The following KDM2B variants were observed in gnomAD, a reference collection of about 807,000 sequenced individuals.
KDM2B encodes the protein lysine-specific demethylase 2B.
A neutral mutation model predicts 150.0 loss-of-function variants in KDM2B; 26 were observed. The observed-to-expected ratio is 0.17, with a 90% CI of 0.13 to 0.24. The LOEUF (loss-of-function observed/expected upper bound fraction) is 0.24, where lower values mean the gene tolerates loss of function less well. KDM2B is among the 10% of genes least tolerant of loss of function. The pLI, the probability that KDM2B is intolerant of heterozygous loss-of-function variation, is 1.00. For synonymous variants in KDM2B, 734 were observed against 729.5 expected (o/e 1.01, Z -0.10); for missense variants, 1,265 against 1,816.9 (o/e 0.70, Z 5.52).
chr12:121,478,322 C>A (rs1284998097), intron 12 of KDM2B, among the ~76,000 whole-genome samples: 1 of 151,464 alleles, frequency 6.6e-6, no homozygotes, highest in Non-Finnish European at 1.5e-5. Flanking sequence ...GTTTTTTGAT[C>A]CTCGCCCTCT....
rs1272724498 is a variant in KDM2B, at chr12:121,453,611, G to A, written c.1735-267C>T. ...TTTGGACACAGAGACAGACACGCAC[G>A]TAGAGAACGTGTGTGAAGACACAGG... On this transcript the variant is annotated intron_variant, in intron 12 of 22. Transcript: ENST00000377071. The surrounding 1 kb of genome is among the most constrained non-coding windows in gnomAD (Gnocchi z 6.4). Among the ~76,000 whole-genome samples, 1 of 152,166 alleles carries A rather than the reference G, an allele frequency of 6.6e-6. No homozygotes were observed. The highest frequency in any genetic ancestry group is 6.5e-5 in the Admixed American group (1 of 15,274).
At chr12:121,450,327 AAAG>A (rs1453915487) in intron 13 of KDM2B, among the ~76,000 whole-genome samples, 20 of 151,850 alleles carry the variant, frequency 1.3e-4, no homozygotes, top group Non-Finnish European at 2.8e-4. Flanking sequence ...AAAAAAAAAG[AAAG>A]AAAAAAAAGA....
intron 12 of KDM2B, among the ~76,000 whole-genome samples, chr12:121,484,926 C>A (rs1465774337): frequency 3.9e-5 from 6 of 152,118 alleles, no homozygotes. Flanking sequence ...CCCCAAAATT[C>A]ATATGTTGAA....
chr12:121,539,725 G>A (rs927080313), intron 6 of KDM2B, among the ~76,000 whole-genome samples: 2 of 151,900 alleles, frequency 1.3e-5, no homozygotes, highest in African/African-American at 4.8e-5. Flanking sequence ...AGCCCCTAAT[G>A]TGTTTGTTTG....
intron 22 of KDM2B, among the ~76,000 whole-genome samples, chr12:121,435,645 C>T (rs1310629225): frequency 6.6e-6 from 1 of 152,094 alleles, no homozygotes; most frequent in Admixed American, 6.6e-5. Context: ...GGGGTGCCCA[C>T]TCAAAAGTGG....
chr12:121,443,747 G>C lies in KDM2B; in HGVS notation c.2498C>G (p.Pro833Arg). ...GAGGCTGCTGCCTAGAGGGGGCCTCGGCGAGAGGTGAGAGGAGGAACCGGG... is the reference window on the plus strand; with the variant it reads ...GAGGCTGCTGCCTAGAGGGGGCCTCCGCGAGAGGTGAGAGGAGGAACCGGG... ...TSPGSSSHLS[P>R]RPPLGSSLSP... The change falls in exon 17 of 23, where the codon CCG becomes CGG. Residue 833 changes from proline to arginine, a missense_variant. Pro to Arg is a moderately radical substitution (Grantham distance 103, BLOSUM62 -2). Around this residue, in one of 11 missense-constraint regions of KDM2B, gnomAD observed 418 missense variants for 402.4 expected, o/e 1.04. Transcript: ENST00000377071. The C allele has an allele frequency of 6.2e-7, 1 of 1,610,926 alleles. No individual in the cohort carries two copies. Among genetic ancestry groups the C allele is most frequent in the Non-Finnish European group, 8.5e-7 (1 of 1,179,368 alleles).
intron 12 of KDM2B, among the ~76,000 whole-genome samples, chr12:121,482,749 C>T (rs782620765): frequency 1.3e-4 from 20 of 152,188 alleles, no homozygotes; most frequent in Admixed American, 1.2e-3. Context: ...TAATTGAATA[C>T]GGCCTCATCT....
chr12:121,423,331 G>A, the KDM2B span: 5 of 1,435,752 alleles, frequency 3.5e-6, no homozygotes, highest in Admixed American at 1.0e-4. This position sits in a 1 kb window ranked among gnomAD's most constrained non-coding sequence, Gnocchi z 4.3. Flanking sequence ...TGGGAGGGTG[G>A]CTGGCTGACT....
Position 121,509,719 on chromosome 12 carries a change from C to T in KDM2B, c.1495G>A (p.Ala499Thr), listed in dbSNP as rs781875111. The part of the protein sequence containing the change: ...DYPKTPTGSP[A>T]TEVSAKWTHL... ...GTCCATTTGGCAGAGACCTCCGTGG[C>T]GGGAGAGCCGGTGGGGGTCTTGGGG... Residue 499 changes from alanine (A) to threonine (T), a missense_variant, in exon 11 of 23, where the codon GCC becomes ACC. Around this residue, in one of 11 missense-constraint regions of KDM2B, gnomAD observed 154 missense variants for 162.5 expected, o/e 0.95. Transcript: ENST00000377071. The T allele has an allele frequency of 1.1e-5, 18 of 1,614,096 alleles. No homozygotes were observed. Among genetic ancestry groups the T allele is most frequent in the South Asian group, 2.2e-5 (2 of 91,082 alleles).
rs1367198055 is a variant in KDM2B at position 121,580,560 on chromosome 12, G to C, written c.126+226C>G. 7.9e-5 allele frequency: 68 copies of C among 858,852 alleles called. No individual in the cohort carries two copies. In the East Asian group the frequency reaches 2.4e-3, roughly 31 times the overall value. The allele number at this position is 858,852 out of a possible 1,614,324, so 53.2% of individuals were successfully genotyped here. On this transcript the variant is annotated intron_variant, in intron 1 of 22. Coordinates refer to ENST00000377071, the MANE Select transcript of KDM2B (RefSeq NM_032590.5). ...AGTTGCAGGCGGCGGGCGCATCCCG[G>C]AGATGGCGGGGCAGGGAGGGAGGGA...
Position 121,505,193 on chromosome 12 carries a change from C to T in KDM2B, c.1647+4374G>A, listed in dbSNP as rs574291819. Among the ~76,000 whole-genome samples, 16 of 143,002 alleles carry T rather than the reference C, an allele frequency of 1.1e-4. No homozygotes were observed. In the South Asian group the frequency reaches 3.3e-3, roughly 30 times the overall value. 93.8% of individuals were successfully genotyped at this position (143,002 alleles called of 152,430 possible). On this transcript the variant is annotated intron_variant, in intron 11 of 22. Transcript: ENST00000377071. ...TCCAGCTACTCGGGAGGCTGAGGCA[C>T]GAGAATCGCTTGAACCCAGGAGGCA...
chr12:121,420,176 A>G, the KDM2B span: 5 of 1,454,658 alleles, frequency 3.4e-6, no homozygotes, highest in South Asian at 5.8e-5. Context: ...CATCAATGAC[A>G]AGGTTTTCTC....
the KDM2B span, among the ~76,000 whole-genome samples, chr12:121,421,632 G>T: frequency 6.6e-6 from 1 of 152,048 alleles, no homozygotes; most frequent in Non-Finnish European, 1.5e-5. Flanking sequence ...TCAAGCCACG[G>T]AACATTTATG....
Position 121,453,437 on chromosome 12 carries a change from C to A in KDM2B, c.1735-93G>T. 2.2e-6 allele frequency: 2 copies of A among 912,344 alleles called. No individual in the cohort carries two copies. Among genetic ancestry groups the A allele is most frequent in the Non-Finnish European group, 3.3e-6 (2 of 609,500 alleles). 56.5% of individuals were successfully genotyped at this position (912,344 alleles called of 1,614,324 possible). A position where few individuals can be genotyped will look rare whatever the true frequency, so the allele number is the denominator to read the frequency against. On this transcript the variant is annotated intron_variant, in intron 12 of 22. Coordinates refer to ENST00000377071, the MANE Select transcript of KDM2B (RefSeq NM_032590.5). The surrounding 1 kb of genome is among the most constrained non-coding windows in gnomAD (Gnocchi z 6.4). The stretch of plus-strand genomic sequence containing the variant: ...TGTTAGGGAGCAAACTGTGTACCCC[C>A]AGAAAGACACGATGGGGGCTCTAAA...
At chr12:121,470,891 C>T (rs1555295833) in intron 12 of KDM2B, among the ~76,000 whole-genome samples, 2 of 152,244 alleles carry the variant, frequency 1.3e-5, no homozygotes, top group African/African-American at 4.8e-5. Flanking sequence ...CAAGGGCCAA[C>T]TGTGGAACCG....
At position 121,522,290 on chromosome 12, in the gene KDM2B, C is replaced by T. The variant is rs546546675; in HGVS notation, c.932-1190G>A. 2.7e-3 allele frequency among the ~76,000 whole-genome samples: 399 copies of T among 148,974 alleles called. 5 individuals are homozygous for T. The highest frequency in any genetic ancestry group is 3.1e-3 in the Non-Finnish European group (206 of 67,096). On this transcript the variant is annotated intron_variant, in intron 8 of 22. Transcript: ENST00000377071. ...CAGCACTTTGGGAGGCCGAGGTGGG[C>T]GGATCACCTGAGGTCGGGAGTTCGA...
chr12:121,527,940 A>C (rs1043420876), intron 8 of KDM2B, among the ~76,000 whole-genome samples: 3 of 152,212 alleles, frequency 2.0e-5, no homozygotes, highest in Non-Finnish European at 4.4e-5. Context: ...TGGAGGAAAA[A>C]GACATCACCT....
chr12:121,541,290 C>T (rs1555309725), intron 6 of KDM2B, among the ~76,000 whole-genome samples: 1 of 150,576 alleles, frequency 6.6e-6, no homozygotes, highest in Non-Finnish European at 1.5e-5. Flanking sequence ...GCCAGCTACT[C>T]CAGAAGGAGG....
intron 2 of KDM2B, 126 bp downstream of exon 2, chr12:121,578,676 T>G: frequency 4.9e-6 from 1 of 203,430 alleles, no homozygotes; most frequent in Non-Finnish European, 8.7e-6. Context: ...CTCGGCCTCG[T>G]TTCGTCACCG....
Sources: allele counts gnomAD v4.1 joint callset (sites outside exome capture counted in the v4.1 genomes callset), GRCh38; gene constraint gnomAD v4.1.1; regional missense constraint gnomAD v4.1.1; non-coding constraint Gnocchi (gnomAD v3.1); transcripts MANE v1.5; gene names NCBI Gene and HGNC (gene_info 2026-07-23, HGNC 2026-07-21).